YEATS2: variants seen among roughly 807,000 people sequenced by gnomAD.
The protein encoded by YEATS2 is YEATS domain-containing protein 2.
A neutral mutation model predicts 163.2 loss-of-function variants in YEATS2; 77 were observed. The observed-to-expected ratio is 0.47, with a 90% CI of 0.39 to 0.57. The LOEUF is 0.57. Among genes scored for constraint, YEATS2 ranks in the 20% least tolerant of loss-of-function variants. YEATS2 has a pLI of 0.00. For synonymous variants in YEATS2, 631 were observed against 645.1 expected (o/e 0.98, Z 0.33); for missense variants, 1,549 against 1,729.8 (o/e 0.90, Z 1.85).
At chr3:183,759,569 A>T (rs1185795084) in intron 13 of YEATS2, among the ~76,000 whole-genome samples, 1 of 152,196 alleles carries the variant, frequency 6.6e-6, no homozygotes, top group Non-Finnish European at 1.5e-5. Context: ...TAAAAAAAAT[A>T]AAAATTTAAA....
intron 25 of YEATS2, 42 bp from the exon 26 acceptor site, chr3:183,803,214 G>GT (rs1725859623): frequency 6.3e-7 from 1 of 1,598,074 alleles, no homozygotes; most frequent in Non-Finnish European, 8.5e-7. Context: ...GGTTGGAATC[G>GT]TAAGAGCTTT....
At chr3:183,786,692 T>G (rs1724101055) in intron 20 of YEATS2, among the ~76,000 whole-genome samples, 1 of 152,218 alleles carries the variant, frequency 6.6e-6, no homozygotes, top group Non-Finnish European at 1.5e-5. Context: ...GGTCTGCTTC[T>G]GATGCTTAGC....
At chr3:183,788,902 C>A (rs1441606092) in intron 20 of YEATS2, among the ~76,000 whole-genome samples, 1 of 152,114 alleles carries the variant, frequency 6.6e-6, no homozygotes, top group Non-Finnish European at 1.5e-5. Flanking sequence ...TTTTTATATG[C>A]CCCTTGGGCC....
At chr3:183,746,166 G>T (rs1461139190) in intron 8 of YEATS2, among the ~76,000 whole-genome samples, 1 of 152,086 alleles carries the variant, frequency 6.6e-6, no homozygotes, top group Admixed American at 6.6e-5. Flanking sequence ...GGGCTCAAGA[G>T]ATCCTCCTGC....
rs559710785 is a variant in YEATS2 at position 183,792,377 on chromosome 3, T to C, written c.3097+1397T>C. On this transcript the variant is annotated intron_variant, in intron 21 of 30. Transcript: ENST00000305135. ...GTTCTCATTGTTCAGTTCCCACTTA[T>C]GAGTGAGAACATGCGGTGTGTGGTT... 2.5e-4 allele frequency among the ~76,000 whole-genome samples: 38 copies of C among 152,304 alleles called. 1 individual carries two copies. In the South Asian group the frequency reaches 7.2e-3, roughly 29 times the overall value.
chr3:183,772,058 A>G (rs1457485182), intron 15 of YEATS2, among the ~76,000 whole-genome samples: 1 of 152,064 alleles, frequency 6.6e-6, no homozygotes. Context: ...TGAATTTCCC[A>G]AATTTTCTAT....
chr3:183,754,311 G>A lies in YEATS2; in HGVS notation c.1336G>A (p.Glu446Lys). 4 of 1,614,016 alleles carry A rather than the reference G, an allele frequency of 2.5e-6. No homozygotes were observed. Among genetic ancestry groups the A allele is most frequent in the Non-Finnish European group, 3.4e-6 (4 of 1,179,942 alleles). Residue 446 changes from glutamate to lysine, a missense_variant, in exon 11 of 31, where the codon GAG becomes AAG. Coordinates refer to ENST00000305135, the MANE Select transcript of YEATS2 (RefSeq NM_018023.5). ...IVPQSQVPNP[E>K]SPGKSFQPIT... The stretch of plus-strand genomic sequence containing the variant: ...TCCACAAAGTCAGGTTCCTAATCCT[G>A]AGTCACCTGGAAAATCCTTCCAGCC...
intron 8 of YEATS2, among the ~76,000 whole-genome samples, chr3:183,746,645 AC>A (rs1287385651): frequency 2.3e-4 from 33 of 141,510 alleles, no homozygotes; most frequent in Non-Finnish European, 1.5e-5. Context: ...AATGGATGTA[AC>A]CTAAAATTAC....
intron 13 of YEATS2, among the ~76,000 whole-genome samples, chr3:183,760,313 A>AGTT (rs1283432086): frequency 1.1e-4 from 12 of 110,310 alleles, no homozygotes; most frequent in African/African-American, 1.1e-4. Context: ...AAACTACAGA[A>AGTT]TTTTTTTTTT....
intron 12 of YEATS2, among the ~76,000 whole-genome samples, chr3:183,757,241 CATT>C (rs1487563169): frequency 1.3e-5 from 2 of 152,026 alleles, no homozygotes; most frequent in East Asian, 1.9e-4. Flanking sequence ...CTTTCTCTAA[CATT>C]ATTTTATTTA....
intron 7 of YEATS2, among the ~76,000 whole-genome samples, chr3:183,729,604 T>C (rs1368411290): frequency 6.6e-6 from 1 of 152,192 alleles, no homozygotes; most frequent in African/African-American, 2.4e-5. Flanking sequence ...TTCTTGTGAT[T>C]ATTTCACCAA....
chr3:183,717,621 C>A, intron 2 of YEATS2, 30 bp from the exon 3 acceptor site: 3 of 1,456,666 alleles, frequency 2.1e-6, no homozygotes, highest in Non-Finnish European at 2.8e-6. Flanking sequence ...ATTAATTAGG[C>A]CTTGGATGTA....
intron 5 of YEATS2, among the ~76,000 whole-genome samples, chr3:183,722,519 G>C (rs1422005198): frequency 6.6e-6 from 1 of 152,058 alleles, no homozygotes; most frequent in Non-Finnish European, 1.5e-5. Flanking sequence ...TCGATCTCCT[G>C]ACCTCGTGAT....
At chr3:183,789,524 A>ATTTTTTT (rs1560317945) in intron 20 of YEATS2, among the ~76,000 whole-genome samples, 2 of 77,062 alleles carry the variant, frequency 2.6e-5, no homozygotes, top group African/African-American at 1.1e-4. Context: ...CATTCGAGTT[A>ATTTTTTT]ATTTTTTTTT....
chr3:183,799,401 T>C (rs928419429), intron 23 of YEATS2, among the ~76,000 whole-genome samples: 1 of 152,186 alleles, frequency 6.6e-6, no homozygotes, highest in Non-Finnish European at 1.5e-5. Flanking sequence ...ACCTGGACTT[T>C]AAAAGAGTAG....
chr3:183,772,022 C>T (rs184287765), intron 15 of YEATS2, among the ~76,000 whole-genome samples: 52 of 152,162 alleles, frequency 3.4e-4, no homozygotes, highest in Non-Finnish European at 5.7e-4. Flanking sequence ...CCACCACGCC[C>T]GGCCAAACTT....
At chr3:183,790,370 A>T (rs993062230) in intron 20 of YEATS2, among the ~76,000 whole-genome samples, 1 of 152,120 alleles carries the variant, frequency 6.6e-6, no homozygotes, top group South Asian at 2.1e-4. Flanking sequence ...GCCATGTAGT[A>T]GATGTTTGTT....
chr3:183,717,529 G>A, intron 2 of YEATS2, 122 bp from the exon 3 acceptor site: 1 of 653,768 alleles, frequency 1.5e-6, no homozygotes, highest in Non-Finnish European at 2.6e-6. Flanking sequence ...TTAAGGTGAT[G>A]TCCACTAGGT....
rs371559992 is a variant in YEATS2 at position 183,809,190 on chromosome 3, C to T, written c.4160+20C>T. 55 of 1,612,922 alleles carry T rather than the reference C, an allele frequency of 3.4e-5. No homozygotes were observed. In the African/African-American group the frequency reaches 7.2e-4, roughly 21 times the overall value. On this transcript the variant is annotated intron_variant, in intron 30 of 30. Transcript: ENST00000305135. ...CAACAGGTATTACTATCTCTGCAGTCTGTGGTGTGAGGCTTACACCTCTTT... is the reference window on the plus strand; with the variant it reads ...CAACAGGTATTACTATCTCTGCAGTTTGTGGTGTGAGGCTTACACCTCTTT...
Sources: gnomAD v4.1 joint callset for allele counts (sites outside exome capture counted in the v4.1 genomes callset) on GRCh38, gnomAD v4.1.1 for gene constraint, MANE v1.5 for transcripts, NCBI Gene and HGNC (gene_info 2026-07-23, HGNC 2026-07-21) for gene names.